MMS22L: variants seen among roughly 807,000 people sequenced by gnomAD.
MMS22L encodes MMS22 like, DNA repair protein, also known as protein MMS22-like.
Under a neutral mutation model 159.1 loss-of-function variants are expected in MMS22L, and 74 were observed. That is an observed-to-expected ratio of 0.47 (90% CI 0.39 to 0.56). The LOEUF (loss-of-function observed/expected upper bound fraction) is 0.56. MMS22L is among the 20% of genes least tolerant of loss of function. The pLI is 0.00. For missense variants in MMS22L, 1,351 were observed against 1,422.1 expected (o/e 0.95, Z 0.80); for synonymous variants, 517 against 506.9 (o/e 1.02, Z -0.27).
At position 97,146,903 on chromosome 6, in the gene MMS22L, G is replaced by C. The variant is rs573278001; in HGVS notation, c.3651-16C>G. 11 of 1,482,098 alleles carry C rather than the reference G, an allele frequency of 7.4e-6. No individual in the cohort carries two copies. Among genetic ancestry groups the C allele is most frequent in the Non-Finnish European group, 1.0e-5 (11 of 1,099,236 alleles). 91.8% of individuals were successfully genotyped at this position (1,482,098 alleles called of 1,614,324 possible). A position where few individuals can be genotyped will look rare whatever the true frequency, so the allele number is the denominator to read the frequency against. On this transcript the variant is annotated splice_polypyrimidine_tract_variant and intron_variant, in intron 24 of 24. Transcript: ENST00000683635. ...ATAGGCTTCCCTGTTTAAGAAAAAA[G>C]AAAAGAAAGCAAATATATTAACATT...
At chr6:97,180,644 A>G (rs1439780499) in intron 16 of MMS22L, among the ~76,000 whole-genome samples, 1 of 152,210 alleles carries the variant, frequency 6.6e-6, no homozygotes, top group African/African-American at 2.4e-5. Context: ...TTTGCATTTC[A>G]GTTTCTTCAA....
intron 11 of MMS22L, among the ~76,000 whole-genome samples, chr6:97,242,633 A>G (rs1432573928): frequency 1.3e-5 from 2 of 152,126 alleles, no homozygotes; most frequent in Non-Finnish European, 2.9e-5. Context: ...TCACTGTGGT[A>G]GTTGTTGCCT....
intron 11 of MMS22L, 48 bp downstream of exon 11, chr6:97,246,580 C>G: frequency 6.8e-7 from 1 of 1,466,012 alleles, no homozygotes; most frequent in Non-Finnish European, 9.3e-7. Flanking sequence ...AAATTTGTAA[C>G]ATAAAAATTA....
chr6:97,229,465 A>G, intron 13 of MMS22L, 62 bp from the exon 14 acceptor site: 1 of 1,241,102 alleles, frequency 8.1e-7, no homozygotes, highest in Non-Finnish European at 1.1e-6. Flanking sequence ...TGTATCTCTT[A>G]AAAGAAAATT....
chr6:97,280,109 A>T (rs2128103203), intron 3 of MMS22L, among the ~76,000 whole-genome samples: 1 of 152,294 alleles, frequency 6.6e-6, no homozygotes, highest in African/African-American at 2.4e-5. Context: ...AATAAAACGT[A>T]TGACATGGCG....
rs763050047 is a variant in MMS22L at position 97,162,143 on chromosome 6, C to G, written c.3244G>C (p.Gly1082Arg). ...GCTAAGCGAGGAGGAGGTGAGGACC[C>G]CTTATACTCAAGGTAGGATTTCCTG... ...VIRKSYLEYKGSSPPPRLASI... is the reference protein window; with the variant it reads ...VIRKSYLEYKRSSPPPRLASI... Residue 1082 changes from glycine (G) to arginine (R), a missense_variant, in exon 22 of 25, where the codon GGG becomes CGG. Coordinates refer to ENST00000683635, the MANE Select transcript of MMS22L (RefSeq NM_001350599.2). The G allele has an allele frequency of 6.3e-7, 1 of 1,599,310 alleles. No homozygotes were observed.
intron 14 of MMS22L, among the ~76,000 whole-genome samples, chr6:97,197,759 C>T (rs185991020): frequency 6.6e-6 from 1 of 152,094 alleles, no homozygotes; most frequent in Non-Finnish European, 1.5e-5. Flanking sequence ...ATACAAGCAA[C>T]AGTGTGAACA....
At chr6:97,152,393 T>C (rs1801403616) in intron 22 of MMS22L, among the ~76,000 whole-genome samples, 1 of 152,122 alleles carries the variant, frequency 6.6e-6, no homozygotes, top group South Asian at 2.1e-4. Flanking sequence ...TAATAAAGTA[T>C]AAAAAGAATA....
intron 4 of MMS22L, among the ~76,000 whole-genome samples, chr6:97,273,387 G>A (rs951657156): frequency 2.0e-5 from 3 of 151,742 alleles, no homozygotes; most frequent in African/African-American, 7.3e-5. Context: ...TCTTTTATTG[G>A]CTCCTCCTCC....
At chr6:97,269,670 C>T (rs537347416) in intron 7 of MMS22L, among the ~76,000 whole-genome samples, 1 of 152,034 alleles carries the variant, frequency 6.6e-6, no homozygotes, top group East Asian at 1.9e-4. Context: ...CAAAATTTTA[C>T]CTATGAGTTT....
intron 14 of MMS22L, among the ~76,000 whole-genome samples, chr6:97,196,364 G>A (rs2128293996): frequency 6.6e-6 from 1 of 152,240 alleles, no homozygotes; most frequent in Non-Finnish European, 1.5e-5. Flanking sequence ...GTAAAGCATA[G>A]TGACATGAAA....
chr6:97,273,166 A>C (rs1053703435), intron 4 of MMS22L, 104 bp from the exon 5 acceptor site: 1 of 866,140 alleles, frequency 1.2e-6, no homozygotes, highest in African/African-American at 1.7e-5. Context: ...ATCTTGTAAC[A>C]TTTTATATTA....
At chr6:97,241,674 A>G (rs773234987) in intron 11 of MMS22L, among the ~76,000 whole-genome samples, 7 of 152,018 alleles carry the variant, frequency 4.6e-5, no homozygotes, top group Non-Finnish European at 8.8e-5. Flanking sequence ...TTGTTTCTCT[A>G]GTTCCTTGAA....
chr6:97,185,087 T>C (rs2128278984), intron 15 of MMS22L, among the ~76,000 whole-genome samples: 1 of 152,242 alleles, frequency 6.6e-6, no homozygotes, highest in African/African-American at 2.4e-5. Context: ...TGCACAAATA[T>C]TACTTACTTG....
chr6:97,198,883 T>C (rs1806830781), intron 14 of MMS22L, among the ~76,000 whole-genome samples: 1 of 152,180 alleles, frequency 6.6e-6, no homozygotes, highest in Admixed American at 6.5e-5. Context: ...TTTATGTATA[T>C]TATCATATTT....
rs184424555 is a variant in MMS22L, at chr6:97,268,902, T to C, written c.698-900A>G. Among the ~76,000 whole-genome samples the C allele has an allele frequency of 7.2e-4, 110 of 152,064 alleles. 1 individual carries two copies. Among genetic ancestry groups the C allele is most frequent in the African/African-American group, 2.5e-3 (102 of 41,522 alleles). On this transcript the variant is annotated intron_variant, in intron 7 of 24. Transcript: ENST00000683635. ...ATATAGACATATATATGTAAGTATA[T>C]ACATATATAGACATATATATGTATG...
intron 23 of MMS22L, among the ~76,000 whole-genome samples, chr6:97,150,262 T>A (rs1189476227): frequency 6.6e-6 from 1 of 151,308 alleles, no homozygotes; most frequent in Non-Finnish European, 1.5e-5. Context: ...AAGGGAAGAG[T>A]TGGAAGCTTG....
rs1800695972 is a variant in MMS22L at position 97,142,667 on chromosome 6, GATAAC to G, written c.*4134_*4138del. On this transcript the variant is annotated 3_prime_UTR_variant, in exon 25 of 25. Coordinates refer to ENST00000683635, the MANE Select transcript of MMS22L (RefSeq NM_001350599.2). ...AGACATGGGGAGACATGAGTGCTAT[GATAAC>G]ATACGGTTTGGGGAAGGCAGATTTC... The G allele has an allele frequency of 6.6e-6, 1 of 152,134 alleles. No individual in the cohort carries two copies. The highest frequency in any genetic ancestry group is 2.1e-4 in the South Asian group (1 of 4,822). The allele number at this position is 152,134 out of a possible 1,614,324, so 9.4% of individuals were successfully genotyped here. A position where few individuals can be genotyped will look rare whatever the true frequency, so the allele number is the denominator to read the frequency against.
At chr6:97,175,723 C>T (rs753494521) in intron 18 of MMS22L, among the ~76,000 whole-genome samples, 2 of 152,070 alleles carry the variant, frequency 1.3e-5, no homozygotes, top group Admixed American at 6.6e-5. Flanking sequence ...AAATAAGTAT[C>T]GGGAAGCTCT....
Sources: gnomAD v4.1 joint callset for allele counts (sites outside exome capture counted in the v4.1 genomes callset) on GRCh38, gnomAD v4.1.1 for gene constraint, MANE v1.5 for transcripts, NCBI Gene and HGNC (gene_info 2026-07-23, HGNC 2026-07-21) for gene names.